ITSN1: variants seen among roughly 807,000 people sequenced by gnomAD.
ITSN1 encodes the protein intersectin-1.
A neutral mutation model predicts 239.8 loss-of-function variants in ITSN1; 58 were observed. The ratio of observed to expected loss-of-function variants is 0.24; its 90% confidence interval spans 0.20 to 0.30. ITSN1 has a LOEUF of 0.30. Among genes scored for constraint, ITSN1 ranks in the 10% least tolerant of loss-of-function variants. The pLI is 1.00. For synonymous variants in ITSN1, 780 were observed against 770.8 expected (o/e 1.01, Z -0.20); for missense variants, 1,558 against 2,103.3 (o/e 0.74, Z 5.07).
chr21:33,683,048 AC>A (rs577447359), intron 1 of ITSN1, among the ~76,000 whole-genome samples: 5 of 152,148 alleles, frequency 3.3e-5, no homozygotes, highest in Non-Finnish European at 7.3e-5. Context: ...ACTTAACCAA[AC>A]ACTCTCTTTC....
intron 22 of ITSN1, chr21:33,817,365 C>T (rs1360330184): frequency 1.5e-6 from 2 of 1,304,430 alleles, no homozygotes; most frequent in East Asian, 5.5e-5. Flanking sequence ...GAGTGCCCTT[C>T]CTCCGAAGCC....
At chr21:33,839,452 G>A (rs1055258230) in intron 29 of ITSN1, among the ~76,000 whole-genome samples, 7 of 152,030 alleles carry the variant, frequency 4.6e-5, no homozygotes, top group African/African-American at 1.5e-4. Context: ...GGGGGAAGAG[G>A]TGTGGCTATT....
intron 1 of ITSN1, among the ~76,000 whole-genome samples, chr21:33,650,751 C>G (rs2088443145): frequency 6.6e-6 from 1 of 152,104 alleles, no homozygotes; most frequent in African/African-American, 2.4e-5. Context: ...GAAAAATTGA[C>G]AAGAAAATGA....
chr21:33,841,561 G>T (rs944885270), intron 29 of ITSN1, among the ~76,000 whole-genome samples: 1 of 152,180 alleles, frequency 6.6e-6, no homozygotes, highest in Non-Finnish European at 1.5e-5. Context: ...GGCCTTGGAA[G>T]GGGCTGCTCC....
Position 33,892,462 on chromosome 21 carries a change from G to T in ITSN1, c.*4162G>T, listed in dbSNP as rs551230513. 6.6e-6 allele frequency: 1 copy of T among 152,202 alleles called. No individual in the cohort carries two copies. The highest frequency in any genetic ancestry group is 2.4e-5 in the African/African-American group (1 of 41,438). 9.4% of individuals were successfully genotyped at this position (152,202 alleles called of 1,614,324 possible). On this transcript the variant is annotated 3_prime_UTR_variant, in exon 40 of 40. Coordinates refer to ENST00000381318, the MANE Select transcript of ITSN1 (RefSeq NM_003024.3). The stretch of plus-strand genomic sequence containing the variant: ...CTGGAGTGGACCAGTGAGACCAAAT[G>T]CTTGTGTTTCTCTATGTTTTCAGTT...
chr21:33,833,091 A>G (rs996263289), intron 27 of ITSN1, among the ~76,000 whole-genome samples: 19 of 151,952 alleles, frequency 1.3e-4, no homozygotes, highest in Admixed American at 1.2e-3. Context: ...AAGGGTAGTC[A>G]AAGCCCGACT....
intron 1 of ITSN1, among the ~76,000 whole-genome samples, chr21:33,676,972 C>T (rs1295626784): frequency 6.9e-6 from 1 of 144,282 alleles, no homozygotes; most frequent in African/African-American, 2.6e-5. Flanking sequence ...CACTTGGACA[C>T]AGGGTGGGGA....
Position 33,829,629 on chromosome 21 carries a change from G to T in ITSN1, c.3235G>T (p.Ala1079Ser). ...TGSLGKKPEI[A>S]QVIASYTATG... is the part of the protein sequence containing the mutation. ...TGTTTGATCTTGTTTTTCAGAAATTGCCCAGGTTATTGCCTCATACACCGC... is the reference window on the plus strand; with the variant it reads ...TGTTTGATCTTGTTTTTCAGAAATTTCCCAGGTTATTGCCTCATACACCGC... The change falls in exon 27 of 40, where the codon GCC (alanine) becomes TCC (serine). Residue 1079 changes from alanine to serine, a missense_variant. Physicochemically the swap from Ala to Ser is moderately conservative, Grantham distance 99 (BLOSUM62 1). Transcript: ENST00000381318. 1.2e-6 allele frequency: 2 copies of T among 1,611,974 alleles called. No individual in the cohort carries two copies. Among genetic ancestry groups the T allele is most frequent in the Non-Finnish European group, 1.7e-6 (2 of 1,179,896 alleles).
chr21:33,897,439 A>G lies in ITSN1; in HGVS notation c.*9139A>G, dbSNP rs1417648398. On this transcript the variant is annotated 3_prime_UTR_variant, in exon 40 of 40. Transcript: ENST00000381318. ...ACATGTGTACAGATGAGAAACTGCA[A>G]CAAAAATGTCCTGTGGATGATAATC... The G allele has an allele frequency of 6.6e-6, 1 of 152,256 alleles. No homozygotes were observed. The highest frequency in any genetic ancestry group is 1.5e-5 in the Non-Finnish European group (1 of 68,052). 9.4% of individuals were successfully genotyped at this position (152,256 alleles called of 1,614,324 possible).
chr21:33,690,834 T>C (rs1450586584), intron 1 of ITSN1, among the ~76,000 whole-genome samples: 1 of 49,354 alleles, frequency 2.0e-5, no homozygotes, highest in Admixed American at 2.2e-4. Flanking sequence ...TATATATATA[T>C]ATATGTAAAA....
intron 14 of ITSN1, among the ~76,000 whole-genome samples, chr21:33,778,607 C>A (rs2147859070): frequency 1.1e-5 from 1 of 89,152 alleles, no homozygotes; most frequent in Non-Finnish European, 1.8e-5. Context: ...GAGACGGAGT[C>A]TCGCTCTGTC....
intron 22 of ITSN1, chr21:33,817,323 GAGGCTTTTGC>G (rs1569241739): frequency 1.5e-6 from 2 of 1,304,182 alleles, no homozygotes; most frequent in African/African-American, 3.0e-5. Context: ...GTTCCACCTC[GAGGCTTTTGC>G]CCATGCTGCG....
chr21:33,790,255 A>T (rs192849952), intron 16 of ITSN1, among the ~76,000 whole-genome samples: 2,267 of 151,680 alleles, frequency 0.015, 40 homozygotes, highest in African/African-American at 0.044. Context: ...GTGATTTTTT[A>T]AAAAAAACTT....
intron 34 of ITSN1, among the ~76,000 whole-genome samples, chr21:33,876,113 C>CCT (rs1983737665): frequency 1.3e-5 from 1 of 79,240 alleles, no homozygotes; most frequent in African/African-American, 1.1e-4. Flanking sequence ...TTCTTTCTTT[C>CCT]TTTCTTTCTT....
At chr21:33,666,281 C>T (rs1173002343) in intron 1 of ITSN1, among the ~76,000 whole-genome samples, 1 of 152,088 alleles carries the variant, frequency 6.6e-6, no homozygotes, top group Non-Finnish European at 1.5e-5. Flanking sequence ...TCTGTGGAGA[C>T]AGAAAGCAGA....
At chr21:33,822,828 G>C (rs2073764776) in intron 24 of ITSN1, among the ~76,000 whole-genome samples, 1 of 152,150 alleles carries the variant, frequency 6.6e-6, no homozygotes, top group African/African-American at 2.4e-5. Context: ...CTACCTGTTT[G>C]TGCTCTTGAA....
chr21:33,878,374 A>G (rs374986518), intron 34 of ITSN1, among the ~76,000 whole-genome samples: 1 of 151,926 alleles, frequency 6.6e-6, no homozygotes, highest in East Asian at 1.9e-4. Flanking sequence ...CTTTTCACTT[A>G]ACCTTTCCTT....
intron 20 of ITSN1, among the ~76,000 whole-genome samples, chr21:33,806,592 CA>C (rs1343342597): frequency 6.6e-6 from 1 of 152,208 alleles, no homozygotes; most frequent in Non-Finnish European, 1.5e-5. Flanking sequence ...CAGCGAGCTA[CA>C]ATATGCAGTG....
intron 1 of ITSN1, among the ~76,000 whole-genome samples, chr21:33,668,168 T>TA (rs572975419): frequency 3.3e-4 from 50 of 152,346 alleles, no homozygotes; most frequent in African/African-American, 1.2e-3. Flanking sequence ...GTCTAGCACT[T>TA]ACTGCCTTTG....
Sources: allele counts gnomAD v4.1 joint callset (sites outside exome capture counted in the v4.1 genomes callset), GRCh38; gene constraint gnomAD v4.1.1; transcripts MANE v1.5; gene names NCBI Gene and HGNC (gene_info 2026-07-23, HGNC 2026-07-21).